Variants in SCRG1 observed in about 807,000 individuals in gnomAD.
SCRG1 encodes the protein scrapie-responsive protein 1.
SCRG1 carries 3 observed loss-of-function variants against 7.7 expected under a neutral mutation model. That is an observed-to-expected ratio of 0.39 (90% CI 0.18 to 1.01). The LOEUF (loss-of-function observed/expected upper bound fraction) is 1.01. Ranked by LOEUF, SCRG1 falls within the 50% of genes least tolerant of loss-of-function variation. The probability of loss-of-function intolerance (pLI) is 0.36; values close to 1 mark genes in which losing one functional copy is unlikely to be tolerated. For synonymous variants in SCRG1, 46 were observed against 41.2 expected (o/e 1.12, Z -0.44); for missense variants, 110 against 117.2 (o/e 0.94, Z 0.28).
At chr4:173,458,936 A>T in the SCRG1 span, among the ~76,000 whole-genome samples, 1 of 152,236 alleles carries the variant, frequency 6.6e-6, no homozygotes, top group Non-Finnish European at 1.5e-5. Context: ...CACAGACAGA[A>T]ACAAAAAATA....
chr4:173,431,597 C>G, the SCRG1 span, among the ~76,000 whole-genome samples: 1 of 152,204 alleles, frequency 6.6e-6, no homozygotes, highest in South Asian at 2.1e-4. Flanking sequence ...ATAAAAGAGA[C>G]TATGCTGGGG....
chr4:173,413,204 A>G, the SCRG1 span, among the ~76,000 whole-genome samples: 5 of 152,324 alleles, frequency 3.3e-5, no homozygotes, highest in South Asian at 1.0e-3. Flanking sequence ...TACAGCTGGC[A>G]AAATGCCTGG....
the SCRG1 span, among the ~76,000 whole-genome samples, chr4:173,460,480 C>T: frequency 6.6e-6 from 1 of 152,280 alleles, no homozygotes; most frequent in South Asian, 2.1e-4. Flanking sequence ...CCAGCTAAGC[C>T]ACAGTAGGAT....
the SCRG1 span, among the ~76,000 whole-genome samples, chr4:173,509,604 G>C: frequency 2.0e-5 from 3 of 152,168 alleles, no homozygotes; most frequent in African/African-American, 7.2e-5. This position sits in a 1 kb window ranked among gnomAD's most constrained non-coding sequence, Gnocchi z 5.7. Context: ...CTTCCCGAGT[G>C]AGCTCACTTC....
chr4:173,421,565 C>A, the SCRG1 span, among the ~76,000 whole-genome samples: 1 of 152,074 alleles, frequency 6.6e-6, no homozygotes, highest in Non-Finnish European at 1.5e-5. Context: ...AGAGCTAGGA[C>A]GAGGGGATGT....
rs62342347 is a variant in SCRG1, at chr4:173,394,505, G to A, written c.-14-3077C>T. Reference sequence around the variant, plus strand: ...TAAAAATACAAAAAATTAGCCGGGCGTGGTGGCGAGCGCCTGTAGTCCCAG... The same window carrying A: ...TAAAAATACAAAAAATTAGCCGGGCATGGTGGCGAGCGCCTGTAGTCCCAG... On this transcript the variant is annotated intron_variant, in intron 1 of 2. Transcript: ENST00000296506. Among the ~76,000 whole-genome samples, 1,485 of 152,206 alleles carry A rather than the reference G, an allele frequency of 9.8e-3. 12 individuals are homozygous for A. The highest frequency in any genetic ancestry group is 0.024 in the Middle Eastern group (7 of 294).
At chr4:173,502,956 G>T in the SCRG1 span, among the ~76,000 whole-genome samples, 1 of 152,202 alleles carries the variant, frequency 6.6e-6, no homozygotes, top group Non-Finnish European at 1.5e-5. The surrounding 1 kb of genome is among the most constrained non-coding windows in gnomAD (Gnocchi z 4.6). Context: ...AAAAATAGAA[G>T]GGGGGTCTGG....
chr4:173,438,408 C>T, the SCRG1 span, among the ~76,000 whole-genome samples: 1 of 152,132 alleles, frequency 6.6e-6, no homozygotes, highest in African/African-American at 2.4e-5. Context: ...CAGGCGTAAG[C>T]CACTCTGTCT....
At chr4:173,490,884 G>A in the SCRG1 span, among the ~76,000 whole-genome samples, 1 of 152,126 alleles carries the variant, frequency 6.6e-6, no homozygotes, top group Non-Finnish European at 1.5e-5. Context: ...AAAGGAGTCT[G>A]CCCAGTCTGG....
At position 173,388,851 on chromosome 4, in the gene SCRG1, T is replaced by C. The variant is rs183397240; in HGVS notation, c.243-456A>G. On this transcript the variant is annotated intron_variant, in intron 2 of 2. Coordinates refer to ENST00000296506, the MANE Select transcript of SCRG1 (RefSeq NM_007281.4). ...GTTGAAAAGATCACATAAAGTAATA[T>C]ATAAAAATGCATGGAATAATACAAA... Among the ~76,000 whole-genome samples the C allele has an allele frequency of 6.2e-4, 94 of 152,252 alleles. 1 individual carries two copies. In the East Asian group the frequency reaches 0.014, roughly 22 times the overall value.
At chr4:173,438,363 T>C in the SCRG1 span, among the ~76,000 whole-genome samples, 2 of 152,082 alleles carry the variant, frequency 1.3e-5, no homozygotes, top group African/African-American at 4.8e-5. Context: ...GCTCAAGCTA[T>C]CTGCCCACCT....
the SCRG1 span, among the ~76,000 whole-genome samples, chr4:173,413,942 A>C: frequency 6.6e-6 from 1 of 152,296 alleles, no homozygotes; most frequent in South Asian, 2.1e-4. Context: ...ACAAGCAACA[A>C]CCTGATTATG....
chr4:173,492,255 T>C, the SCRG1 span, among the ~76,000 whole-genome samples: 5 of 152,316 alleles, frequency 3.3e-5, no homozygotes, highest in South Asian at 1.0e-3. Context: ...TTGCTGTTTT[T>C]CCTCCTTTGG....
the SCRG1 span, among the ~76,000 whole-genome samples, chr4:173,425,250 T>G: frequency 1.3e-5 from 2 of 152,252 alleles, no homozygotes; most frequent in African/African-American, 4.8e-5. Flanking sequence ...ACCACCGTTT[T>G]GCCTTTTTAA....
the SCRG1 span, among the ~76,000 whole-genome samples, chr4:173,430,107 A>G: frequency 6.6e-6 from 1 of 152,094 alleles, no homozygotes; most frequent in African/African-American, 2.4e-5. Context: ...TAGGCCTAAG[A>G]CCCTTAAATA....
chr4:173,416,036 G>C, the SCRG1 span, among the ~76,000 whole-genome samples: 1 of 152,236 alleles, frequency 6.6e-6, no homozygotes, highest in African/African-American at 2.4e-5. Context: ...GGGGTGTTTT[G>C]AGTACCTGGG....
rs148442590 is a variant in SCRG1, at chr4:173,398,315, T to G, written c.-15+753A>C. 2.0e-5 allele frequency: 3 copies of G among 152,354 alleles called. No homozygotes were observed. In the East Asian group the frequency reaches 5.8e-4, roughly 29 times the overall value. The allele number at this position is 152,354 out of a possible 1,614,324, so 9.4% of individuals were successfully genotyped here. A position where few individuals can be genotyped will look rare whatever the true frequency, so the allele number is the denominator to read the frequency against. On this transcript the variant is annotated intron_variant, in intron 1 of 2. Coordinates refer to ENST00000296506, the MANE Select transcript of SCRG1 (RefSeq NM_007281.4). ...TCCTCCCTAAAAGTGATCAGGCTTTTAGAGCATGCCAGAAGATGATATTAA... is the reference window on the plus strand; with the variant it reads ...TCCTCCCTAAAAGTGATCAGGCTTTGAGAGCATGCCAGAAGATGATATTAA...
chr4:173,502,027 TGGAA>T, the SCRG1 span, among the ~76,000 whole-genome samples: 1 of 152,082 alleles, frequency 6.6e-6, no homozygotes, highest in East Asian at 1.9e-4. This position sits in a 1 kb window ranked among gnomAD's most constrained non-coding sequence, Gnocchi z 4.6. Flanking sequence ...GGTGCGTTAA[TGGAA>T]GGAAGGGAGG....
chr4:173,500,238 C>G, the SCRG1 span, among the ~76,000 whole-genome samples: 6 of 152,216 alleles, frequency 3.9e-5, no homozygotes, highest in African/African-American at 1.4e-4. Context: ...GAAACAAGCC[C>G]AGGTTGGATC....
Sources: gnomAD v4.1 joint callset for allele counts (sites outside exome capture counted in the v4.1 genomes callset) on GRCh38, gnomAD v4.1.1 for gene constraint, Gnocchi (gnomAD v3.1) non-coding constraint, MANE v1.5 for transcripts, NCBI Gene and HGNC (gene_info 2026-07-23, HGNC 2026-07-21) for gene names.